ANKS1B: variants seen among roughly 807,000 people sequenced by gnomAD.
ANKS1B encodes the protein ankyrin repeat and sterile alpha motif domain containing 1B.
A neutral mutation model predicts 148.3 loss-of-function variants in ANKS1B; 36 were observed. The ratio of observed to expected loss-of-function variants is 0.24; its 90% CI spans 0.19 to 0.32. The LOEUF is 0.32. ANKS1B is among the 10% of genes least tolerant of loss of function. The pLI is 1.00. For synonymous variants in ANKS1B, 542 were observed against 560.8 expected (o/e 0.97, Z 0.47); for missense variants, 1,157 against 1,542.6 (o/e 0.75, Z 4.19).
chr12:99,381,441 T>C (rs2093640059), intron 12 of ANKS1B, among the ~76,000 whole-genome samples: 1 of 152,090 alleles, frequency 6.6e-6, no homozygotes, highest in Admixed American at 6.5e-5. Flanking sequence ...AAGAATTCCA[T>C]CTAGGGCCAT....
At chr12:99,084,728 A>T (rs1377578418) in intron 16 of ANKS1B, among the ~76,000 whole-genome samples, 197 bp downstream of exon 16, 1 of 152,168 alleles carries the variant, frequency 6.6e-6, no homozygotes, top group East Asian at 1.9e-4. Flanking sequence ...AAAACAAAAA[A>T]ACAATAAAAC....
intron 12 of ANKS1B, among the ~76,000 whole-genome samples, chr12:99,355,056 C>T (rs1048525122): frequency 9.2e-5 from 14 of 152,060 alleles, no homozygotes; most frequent in Admixed American, 6.6e-5. Context: ...TTATTGAGTG[C>T]TTATTTTAGG....
intron 1 of ANKS1B, among the ~76,000 whole-genome samples, chr12:99,970,117 G>T (rs577186944): frequency 3.9e-5 from 6 of 152,224 alleles, no homozygotes; most frequent in African/African-American, 1.4e-4. Flanking sequence ...TCAAATTTTA[G>T]TGCACATAAG....
intron 14 of ANKS1B, among the ~76,000 whole-genome samples, chr12:99,227,452 G>A (rs1457384536): frequency 6.6e-6 from 1 of 152,132 alleles, no homozygotes; most frequent in Non-Finnish European, 1.5e-5. Flanking sequence ...TTTATAGTAA[G>A]GCAAGAACAG....
intron 16 of ANKS1B, among the ~76,000 whole-genome samples, chr12:99,060,255 CA>C (rs1286520325): frequency 2.6e-5 from 4 of 151,872 alleles, no homozygotes; most frequent in Admixed American, 1.3e-4. Flanking sequence ...GACTTTCCTC[CA>C]GGAGTTTTTT....
intron 12 of ANKS1B, among the ~76,000 whole-genome samples, chr12:99,336,280 T>C (rs929559886): frequency 3.9e-5 from 6 of 152,196 alleles, no homozygotes; most frequent in Non-Finnish European, 7.4e-5. Flanking sequence ...TAATCCCTTG[T>C]CAGATAAGTA....
downstream of ANKS1B, among the ~76,000 whole-genome samples, chr12:98,739,457 C>T (rs1270242598): frequency 6.6e-6 from 1 of 152,190 alleles, no homozygotes; most frequent in Non-Finnish European, 1.5e-5. Flanking sequence ...AGCACCTGGC[C>T]ACTGCCCAAC....
intron 12 of ANKS1B, among the ~76,000 whole-genome samples, chr12:99,331,920 C>T (rs540739049): frequency 2.6e-5 from 4 of 151,980 alleles, no homozygotes; most frequent in East Asian, 3.9e-4. Context: ...CTGGGAGCTG[C>T]GATTATAGAG....
intron 9 of ANKS1B, among the ~76,000 whole-genome samples, chr12:99,587,899 T>C (rs988428374): frequency 6.6e-6 from 1 of 151,998 alleles, no homozygotes; most frequent in Non-Finnish European, 1.5e-5. Context: ...AGGAGGAGTA[T>C]CCAATAGAGC....
chr12:98,845,977 TATAC>T (rs1309924913), intron 17 of ANKS1B, among the ~76,000 whole-genome samples: 446 of 62,714 alleles, frequency 7.1e-3, no homozygotes, highest in South Asian at 0.016. Context: ...TATATATATA[TATAC>T]ACACACACAC....
intron 11 of ANKS1B, among the ~76,000 whole-genome samples, chr12:99,417,290 C>T (rs2094936549): frequency 6.6e-6 from 1 of 152,176 alleles, no homozygotes; most frequent in African/African-American, 2.4e-5. Flanking sequence ...TCCAACTGCT[C>T]CAGCACCAGG....
chr12:99,442,082 G>C (rs1265366914), intron 11 of ANKS1B, among the ~76,000 whole-genome samples: 1 of 151,834 alleles, frequency 6.6e-6, no homozygotes, highest in Non-Finnish European at 1.5e-5. Flanking sequence ...ATTAACCCCA[G>C]AAACACCTTC....
intron 12 of ANKS1B, among the ~76,000 whole-genome samples, chr12:99,281,686 G>C (rs1195496155): frequency 6.6e-6 from 1 of 152,158 alleles, no homozygotes; most frequent in African/African-American, 2.4e-5. Flanking sequence ...AAGAACTTGT[G>C]AAAAGTAAGA....
chr12:99,163,907 T>C (rs927966000), intron 14 of ANKS1B, among the ~76,000 whole-genome samples: 1 of 152,216 alleles, frequency 6.6e-6, no homozygotes, highest in East Asian at 1.9e-4. Flanking sequence ...ATTAATAGTA[T>C]ACAAATGATG....
At chr12:99,420,007 G>A (rs7132975) in intron 11 of ANKS1B, among the ~76,000 whole-genome samples, 65,898 of 151,834 alleles carry the variant, frequency 0.43, 15,163 homozygotes, top group African/African-American at 0.59. Flanking sequence ...TACTATTATA[G>A]TAATAGTGCC....
intron 25 of ANKS1B, among the ~76,000 whole-genome samples, chr12:98,768,404 G>T (rs1483006510): frequency 8.3e-6 from 1 of 120,306 alleles, no homozygotes; most frequent in Non-Finnish European, 1.6e-5. Flanking sequence ...TCTGCAGAAG[G>T]CCACCCCTGT....
chr12:99,939,914 T>C (rs1414127067), intron 1 of ANKS1B, among the ~76,000 whole-genome samples: 2 of 152,174 alleles, frequency 1.3e-5, no homozygotes, highest in Non-Finnish European at 2.9e-5. Context: ...TAAAATTAAG[T>C]TTGCACATTT....
chr12:99,894,145 G>A (rs908886401), intron 1 of ANKS1B, among the ~76,000 whole-genome samples: 4 of 151,520 alleles, frequency 2.6e-5, no homozygotes, highest in Non-Finnish European at 4.4e-5. Flanking sequence ...ATGGACGAGC[G>A]CAGTGACTCA....
At chr12:99,794,423 G>C (rs1414698202) in intron 4 of ANKS1B, among the ~76,000 whole-genome samples, 1 of 145,706 alleles carries the variant, frequency 6.9e-6, no homozygotes, top group African/African-American at 2.5e-5. Flanking sequence ...AGCAACCTAA[G>C]TGTCCATCAA....
Sources: gnomAD v4.1 joint callset for allele counts (sites outside exome capture counted in the v4.1 genomes callset) on GRCh38, gnomAD v4.1.1 for gene constraint, MANE v1.5 for transcripts, NCBI Gene and HGNC (gene_info 2026-07-23, HGNC 2026-07-21) for gene names.